PRKG1: variants seen among roughly 807,000 people sequenced by gnomAD.
PRKG1 encodes protein kinase cGMP-dependent 1.
PRKG1 carries 35 observed loss-of-function variants against 88.1 expected under a neutral mutation model. The ratio of observed to expected loss-of-function variants is 0.40; its 90% CI spans 0.30 to 0.53. The LOEUF (loss-of-function observed/expected upper bound fraction) is 0.53, where lower values mean the gene tolerates loss of function less well. Among genes scored for constraint, PRKG1 ranks in the 20% least tolerant of loss-of-function variants. The pLI is 0.59. For missense variants in PRKG1, 540 were observed against 839.8 expected (o/e 0.64, Z 4.41); for synonymous variants, 303 against 292.5 (o/e 1.04, Z -0.37).
intron 3 of PRKG1, among the ~76,000 whole-genome samples, chr10:51,737,989 A>T (rs979716295): frequency 7.2e-5 from 11 of 151,826 alleles, no homozygotes; most frequent in African/African-American, 2.7e-4. Context: ...CATGTTGGCC[A>T]GGCTGGTCTC....
At chr10:51,392,750 CGGGCGGG>C (rs1837445931) in intron 2 of PRKG1, among the ~76,000 whole-genome samples, 2 of 141,538 alleles carry the variant, frequency 1.4e-5, no homozygotes, top group Non-Finnish European at 3.2e-5. Flanking sequence ...GGCGGCTGGC[CGGGCGGG>C]GGGCTGACCA....
intron 3 of PRKG1, among the ~76,000 whole-genome samples, chr10:51,699,989 C>T (rs898470665): frequency 1.3e-5 from 2 of 152,214 alleles, no homozygotes; most frequent in African/African-American, 2.4e-5. Flanking sequence ...TTTAAGGCGG[C>T]GTGTTTTTCG....
chr10:51,722,377 A>C (rs188673157), intron 3 of PRKG1, among the ~76,000 whole-genome samples: 35 of 152,162 alleles, frequency 2.3e-4, no homozygotes, highest in Admixed American at 4.6e-4. Context: ...CTGGTGCCTT[A>C]CTTAGTATGG....
At chr10:51,003,186 C>G (rs975051610) in intron 1 of PRKG1, among the ~76,000 whole-genome samples, 1 of 68,458 alleles carries the variant, frequency 1.5e-5, no homozygotes, top group South Asian at 4.0e-4. Context: ...ACAACAACAA[C>G]AACAACAACA....
intron 3 of PRKG1, among the ~76,000 whole-genome samples, chr10:51,738,419 A>C (rs554768391): frequency 6.6e-6 from 1 of 152,302 alleles, no homozygotes; most frequent in Admixed American, 6.5e-5. Flanking sequence ...AAGTTATGTA[A>C]TTGTAAGTTT....
intron 2 of PRKG1, 22 bp downstream of exon 2, chr10:51,153,352 C>T (rs779143470): frequency 2.6e-6 from 4 of 1,562,308 alleles, no homozygotes; most frequent in Non-Finnish European, 2.6e-6. Flanking sequence ...AACTCCAATC[C>T]TCTGACATTC....
chr10:51,676,059 C>G (rs1027264891), intron 3 of PRKG1, among the ~76,000 whole-genome samples: 1 of 151,412 alleles, frequency 6.6e-6, no homozygotes, highest in African/African-American at 2.4e-5. Flanking sequence ...CACTTACAGC[C>G]AGGAGTTTGG....
intron 2 of PRKG1, among the ~76,000 whole-genome samples, chr10:51,329,830 T>C (rs987137983): frequency 1.4e-4 from 21 of 151,934 alleles, no homozygotes; most frequent in Non-Finnish European, 1.0e-4. Context: ...AGCTGTATTA[T>C]AATTTTTTAT....
chr10:51,826,922 A>G (rs1345970953), intron 4 of PRKG1, among the ~76,000 whole-genome samples: 2 of 152,174 alleles, frequency 1.3e-5, no homozygotes, highest in Non-Finnish European at 2.9e-5. Flanking sequence ...ACTTTCAGCA[A>G]CAAGTTTAGT....
At chr10:51,175,782 C>T (rs997812111) in intron 2 of PRKG1, among the ~76,000 whole-genome samples, 1 of 152,052 alleles carries the variant, frequency 6.6e-6, no homozygotes, top group Non-Finnish European at 1.5e-5. Context: ...CACCTTAGAC[C>T]TACGGAATGA....
intron 2 of PRKG1, among the ~76,000 whole-genome samples, chr10:51,356,633 C>T (rs1279959878): frequency 6.6e-6 from 1 of 152,010 alleles, no homozygotes; most frequent in East Asian, 1.9e-4. Flanking sequence ...TAAAGCACAA[C>T]TCAAGTGTCA....
intron 2 of PRKG1, among the ~76,000 whole-genome samples, chr10:51,254,374 A>G (rs1839503534): frequency 6.6e-6 from 1 of 151,940 alleles, no homozygotes; most frequent in South Asian, 2.1e-4. Flanking sequence ...TTTTTGCATT[A>G]GTCATAAGGG....
At chr10:51,219,070 A>G (rs1838453760) in intron 2 of PRKG1, among the ~76,000 whole-genome samples, 1 of 152,118 alleles carries the variant, frequency 6.6e-6, no homozygotes, top group Non-Finnish European at 1.5e-5. Context: ...TACATTTTAG[A>G]AATACTTTCA....
chr10:51,817,041 A>T (rs1160027835), intron 4 of PRKG1, among the ~76,000 whole-genome samples: 1 of 152,146 alleles, frequency 6.6e-6, no homozygotes, highest in African/African-American at 2.4e-5. Flanking sequence ...AAAATTTAAG[A>T]ATTTTAATTA....
chr10:51,255,710 C>T (rs941345320), intron 2 of PRKG1, among the ~76,000 whole-genome samples: 1 of 152,056 alleles, frequency 6.6e-6, no homozygotes, highest in African/African-American at 2.4e-5. Context: ...CCAGCTGAGG[C>T]ACTTTTATTA....
intron 12 of PRKG1, among the ~76,000 whole-genome samples, chr10:52,277,428 A>G (rs1919460): frequency 0.48 from 73,568 of 152,006 alleles, 19,436 homozygotes; most frequent in Non-Finnish European, 0.61. Context: ...TAGCTAAAAA[A>G]TAGTTTTCTG....
chr10:51,915,222 A>C (rs1349846080), intron 5 of PRKG1, among the ~76,000 whole-genome samples: 1 of 152,210 alleles, frequency 6.6e-6, no homozygotes, highest in African/African-American at 2.4e-5. Flanking sequence ...AGTACTGTGA[A>C]GCTCTCTCTT....
chr10:51,133,446 A>G (rs1845618499), intron 1 of PRKG1, among the ~76,000 whole-genome samples: 2 of 152,168 alleles, frequency 1.3e-5, no homozygotes, highest in South Asian at 4.1e-4. Flanking sequence ...AATCCCAGAG[A>G]TAGGTGTTGT....
rs138474377 is a variant in PRKG1 at position 52,082,116 on chromosome 10, C to T, written c.935+19485C>T. ...GAAGGCGGCAAGAAGAAGTACTGAG[C>T]GAAAGGGGGAATAAAACCCCTTTTA... On this transcript the variant is annotated intron_variant, in intron 7 of 17. Coordinates refer to ENST00000373980, the MANE Select transcript of PRKG1 (RefSeq NM_006258.4). Among the ~76,000 whole-genome samples the T allele has an allele frequency of 4.4e-4, 67 of 152,062 alleles. No individual in the cohort carries two copies. In the South Asian group the frequency reaches 5.4e-3, roughly 12 times the overall value.
Sources: gnomAD v4.1 joint callset for allele counts (sites outside exome capture counted in the v4.1 genomes callset) on GRCh38, gnomAD v4.1.1 for gene constraint, MANE v1.5 for transcripts, NCBI Gene and HGNC (gene_info 2026-07-23, HGNC 2026-07-21) for gene names.